GNA15: variants seen among roughly 807,000 people sequenced by gnomAD.
The protein encoded by GNA15 is guanine nucleotide-binding protein subunit alpha-15.
A neutral mutation model predicts 40.1 loss-of-function variants in GNA15; 23 were observed. That is an observed-to-expected ratio of 0.57 (90% CI 0.41 to 0.81). The LOEUF (loss-of-function observed/expected upper bound fraction) is 0.81, where lower values mean the gene tolerates loss of function less well. GNA15 is among the 40% of genes least tolerant of loss of function. The pLI is 0.00. For missense variants in GNA15, 522 were observed against 515.8 expected (o/e 1.01, Z -0.12); for synonymous variants, 226 against 210.4 (o/e 1.07, Z -0.64).
At chr19:3,156,586 G>A (rs974715254) in intron 5 of GNA15, among the ~76,000 whole-genome samples, 3 of 152,146 alleles carry the variant, frequency 2.0e-5, no homozygotes, top group Non-Finnish European at 2.9e-5. Flanking sequence ...TCCGCCTCCC[G>A]GGTTCACACC....
In GNA15 at chr19:3,150,419, C is replaced by T. The variant is rs1914852354; in HGVS notation, c.485+134C>T. On this transcript the variant is annotated intron_variant, in intron 3 of 6. Transcript: ENST00000262958. ...AGGTGGTCCTGCTCCAGGATGAGGT[C>T]CTTCCAGGGGGACCCTAATTCCCGG... is the stretch of plus-strand genomic sequence containing the variant. 5 of 774,496 alleles carry T rather than the reference C, an allele frequency of 6.5e-6. No individual in the cohort carries two copies. The Admixed American group carries it at 1.5e-4, about 23-fold the overall frequency. The allele number at this position is 774,496 out of a possible 1,614,324, so 48.0% of individuals were successfully genotyped here.
chr19:3,139,465 C>A (rs533716229), intron 1 of GNA15, among the ~76,000 whole-genome samples: 1 of 151,786 alleles, frequency 6.6e-6, no homozygotes, highest in Non-Finnish European at 1.5e-5. Flanking sequence ...CATGGTGGTG[C>A]GCAACTGTAG....
chr19:3,157,396 C>G (rs1300838763), intron 5 of GNA15, among the ~76,000 whole-genome samples: 3 of 152,190 alleles, frequency 2.0e-5, no homozygotes, highest in Non-Finnish European at 4.4e-5. Context: ...GACCCTATCT[C>G]CAGGCCAGGT....
At chr19:3,161,847 A>T (rs1239891599) in intron 6 of GNA15, among the ~76,000 whole-genome samples, 2 of 152,096 alleles carry the variant, frequency 1.3e-5, no homozygotes, top group Non-Finnish European at 2.9e-5. Flanking sequence ...AGCCTGGCCA[A>T]CATGGCAAAG....
At chr19:3,140,400 T>G (rs576380017) in intron 1 of GNA15, among the ~76,000 whole-genome samples, 2 of 152,284 alleles carry the variant, frequency 1.3e-5, no homozygotes, top group Admixed American at 6.5e-5. Context: ...GGTTTATCAC[T>G]TTTAGTGCTC....
chr19:3,145,266 C>T (rs145235865), intron 1 of GNA15, among the ~76,000 whole-genome samples: 7,097 of 144,476 alleles, frequency 0.049, 204 homozygotes, highest in African/African-American at 0.059. Flanking sequence ...ACCTCCTGGG[C>T]TCAAATGATC....
At chr19:3,145,359 A>ATATATATATATATTTTTTT in intron 1 of GNA15, among the ~76,000 whole-genome samples, 4 of 46,964 alleles carry the variant, frequency 8.5e-5, no homozygotes, top group Non-Finnish European at 1.6e-4. Flanking sequence ...ATATATATAT[A>ATATATATATATATTTTTTT]TTTTTTTTTT....
At chr19:3,147,713 C>T (rs1458049345) in intron 1 of GNA15, among the ~76,000 whole-genome samples, 2 of 151,602 alleles carry the variant, frequency 1.3e-5, no homozygotes, top group Non-Finnish European at 2.9e-5. Context: ...GGTGAAACCC[C>T]GTCTCTACTA....
intron 5 of GNA15, among the ~76,000 whole-genome samples, chr19:3,156,495 G>GGCACACACATGCGTGC (rs1181760707): frequency 1.3e-5 from 2 of 151,218 alleles, no homozygotes; most frequent in Non-Finnish European, 3.0e-5. Flanking sequence ...CAGGCACACA[G>GGCACACACATGCGTGC]GCACACACAT....
At chr19:3,145,945 T>C (rs1354134273) in intron 1 of GNA15, among the ~76,000 whole-genome samples, 1 of 152,024 alleles carries the variant, frequency 6.6e-6, no homozygotes, top group Non-Finnish European at 1.5e-5. Context: ...CCTGCCCCCA[T>C]GGCTCTCCAG....
At chr19:3,137,240 T>C (rs1435711268) in intron 1 of GNA15, among the ~76,000 whole-genome samples, 2 of 152,224 alleles carry the variant, frequency 1.3e-5, no homozygotes, top group South Asian at 2.1e-4. Flanking sequence ...TGTAAACTCA[T>C]AAGCAGATAA....
intron 5 of GNA15, among the ~76,000 whole-genome samples, chr19:3,156,478 GCA>G (rs938308970): frequency 5.3e-5 from 8 of 150,150 alleles, no homozygotes; most frequent in Non-Finnish European, 1.0e-4. Flanking sequence ...GCACACACAC[GCA>G]CACACAGGCA....
chr19:3,143,761 G>A (rs779804910), intron 1 of GNA15, among the ~76,000 whole-genome samples: 1 of 152,010 alleles, frequency 6.6e-6, no homozygotes, highest in Non-Finnish European at 1.5e-5. Context: ...GGAATTGTGC[G>A]ACCCACAGCA....
chr19:3,145,357 A>ATTT (rs1425408476), intron 1 of GNA15, among the ~76,000 whole-genome samples: 38 of 41,652 alleles, frequency 9.1e-4, no homozygotes, highest in Non-Finnish European at 1.1e-3. Flanking sequence ...ATATATATAT[A>ATTT]TATTTTTTTT....
At chr19:3,161,571 A>G (rs2144865587) in intron 6 of GNA15, among the ~76,000 whole-genome samples, 1 of 152,218 alleles carries the variant, frequency 6.6e-6, no homozygotes, top group South Asian at 2.1e-4. Flanking sequence ...TGGCCTGGAT[A>G]GCCCCTCTTC....
intron 1 of GNA15, among the ~76,000 whole-genome samples, chr19:3,146,235 G>A (rs1914718707): frequency 6.6e-6 from 1 of 152,114 alleles, no homozygotes; most frequent in East Asian, 1.9e-4. Flanking sequence ...CCATGCTGGT[G>A]CCCCCAGGAG....
At position 3,151,363 on chromosome 19, in the gene GNA15, G is replaced by T. The variant is rs1914877495; in HGVS notation, c.486-344G>T. ...CTAGGTGTGATGGTGGATGTCCAAGGTGGCTTGATGTCTGGGAAGACTGTT... is the reference window on the plus strand; with the variant it reads ...CTAGGTGTGATGGTGGATGTCCAAGTTGGCTTGATGTCTGGGAAGACTGTT... On this transcript the variant is annotated intron_variant, in intron 3 of 6. Coordinates refer to ENST00000262958, the MANE Select transcript of GNA15 (RefSeq NM_002068.4). The surrounding 1 kb of genome is among the most constrained non-coding windows in gnomAD (Gnocchi z 5.0). 6.6e-6 allele frequency among the ~76,000 whole-genome samples: 1 copy of T among 152,092 alleles called. No individual in the cohort carries two copies. The highest frequency in any genetic ancestry group is 2.4e-5 in the African/African-American group (1 of 41,420).
At chr19:3,140,051 C>CTA (rs1914544008) in intron 1 of GNA15, among the ~76,000 whole-genome samples, 2 of 148,648 alleles carry the variant, frequency 1.3e-5, no homozygotes, top group Admixed American at 1.4e-4. Flanking sequence ...AAAAATCTAT[C>CTA]TATCTATCTA....
At chr19:3,148,828 GT>G in intron 2 of GNA15, 53 bp downstream of exon 2, 1 of 1,500,838 alleles carries the variant, frequency 6.7e-7, no homozygotes, top group Non-Finnish European at 8.9e-7. Context: ...CCAGGGCAGG[GT>G]TCCCCAGACC....
Sources: allele counts gnomAD v4.1 joint callset (sites outside exome capture counted in the v4.1 genomes callset), GRCh38; gene constraint gnomAD v4.1.1; non-coding constraint Gnocchi (gnomAD v3.1); transcripts MANE v1.5; gene names NCBI Gene and HGNC (gene_info 2026-07-23, HGNC 2026-07-21).